ANKRD26: variants seen among roughly 807,000 people sequenced by gnomAD.
ANKRD26 encodes ankyrin repeat domain 26.
Under a neutral mutation model 208.7 loss-of-function variants are expected in ANKRD26, and 141 were observed. The observed-to-expected ratio is 0.68, with a 90% confidence interval of 0.59 to 0.78. ANKRD26 has a LOEUF of 0.78. Ranked by LOEUF, ANKRD26 falls within the 30% of genes least tolerant of loss-of-function variation. The pLI is 0.00. For synonymous variants in ANKRD26, 636 were observed against 660.4 expected (o/e 0.96, Z 0.57); for missense variants, 1,889 against 1,938.7 (o/e 0.97, Z 0.48).
chr10:27,093,264 A>G, intron 3 of ANKRD26, 85 bp downstream of exon 3: 1 of 1,319,460 alleles, frequency 7.6e-7, no homozygotes, highest in Non-Finnish European at 1.1e-6. Context: ...TGCGCTTCCA[A>G]ATACAGAAAA....
At chr10:27,029,882 C>T (rs184179349) in intron 25 of ANKRD26, among the ~76,000 whole-genome samples, 3 of 152,212 alleles carry the variant, frequency 2.0e-5, no homozygotes, top group East Asian at 1.9e-4. Flanking sequence ...CGGGAATGGC[C>T]GGGTGGGAAT....
intron 30 of ANKRD26, among the ~76,000 whole-genome samples, chr10:27,015,878 T>C (rs1387619597): frequency 6.6e-6 from 1 of 152,146 alleles, no homozygotes; most frequent in Admixed American, 6.5e-5. Context: ...TAATCACTCA[T>C]AGACACACAA....
In ANKRD26 at chr10:27,100,216, C is replaced by T. The variant is rs763103344; in HGVS notation, c.111G>A (p.Gln37=). 1.9e-6 allele frequency: 3 copies of T among 1,613,242 alleles called. No homozygotes were observed. The highest frequency in any genetic ancestry group is 1.3e-5 in the African/African-American group (1 of 74,938). ...CTCGGTCTCGGACGTGGTAGCCGGG[C>T]TGCGAGTAGGCGCCCTCCCCCGGCT... The part of the protein sequence containing the change: ...GGEPGEGAYS[Q]PGYHVRDRDL... Residue 37 remains glutamine, a synonymous_variant, in exon 1 of 34, where the codon CAG becomes CAA. Coordinates refer to ENST00000376087, the MANE Select transcript of ANKRD26 (RefSeq NM_014915.3).
chr10:27,035,108 CT>C lies in ANKRD26; in HGVS notation c.3341del (p.Lys1114SerfsTer9), dbSNP rs1389409213. 1 of 1,612,794 alleles carries C rather than the reference CT, an allele frequency of 6.2e-7. No individual in the cohort carries two copies. The highest frequency in any genetic ancestry group is 1.3e-5 in the African/African-American group (1 of 74,796). On this transcript the variant is annotated frameshift_variant, in exon 24 of 34. Coordinates refer to ENST00000376087, the MANE Select transcript of ANKRD26 (RefSeq NM_014915.3). LOFTEE classifies it high-confidence loss of function. ...TCACTTTAACTTGTTCATTTTGATA[CT>C]TTTGTTCCATTTCCTTCATTTGACA... ...TQCQMKEMEQ[K>X]YQNEQVKVNK...
the ANKRD26 span, among the ~76,000 whole-genome samples, chr10:26,956,260 C>T: frequency 1.3e-5 from 2 of 151,934 alleles, no homozygotes; most frequent in African/African-American, 4.8e-5. Context: ...TTACTTTTTT[C>T]TATTTCCTTA....
chr10:27,066,687 T>C (rs2055260875), intron 10 of ANKRD26, 139 bp from the exon 11 acceptor site: 1 of 594,346 alleles, frequency 1.7e-6, no homozygotes, highest in Non-Finnish European at 2.7e-6. Flanking sequence ...AAAAAGAATT[T>C]CACAAGGTTG....
At chr10:27,061,555 A>T (rs954351696) in intron 12 of ANKRD26, among the ~76,000 whole-genome samples, 1 of 118,470 alleles carries the variant, frequency 8.4e-6, no homozygotes, top group African/African-American at 3.3e-5. Flanking sequence ...TCAATGCAAC[A>T]TCTATTTTTT....
chr10:27,017,667 T>C lies in ANKRD26; in HGVS notation c.4341A>G (p.Leu1447=), dbSNP rs1255214919. 4 of 1,613,478 alleles carry C rather than the reference T, an allele frequency of 2.5e-6. No individual in the cohort carries two copies. Among genetic ancestry groups the C allele is most frequent in the African/African-American group, 2.7e-5 (2 of 74,888 alleles). Residue 1447 remains leucine (L), a synonymous_variant, in exon 30 of 34, where the codon CTA becomes CTG. Transcript: ENST00000376087. ...GTTCCAACTTCTTTTTATTCTTCTG[T>C]AGTTTTTCACATTTCTTTTGTACTG... ...MKTVQKKCEK[L]QKNKKKLEQE... is the part of the protein sequence containing the mutation.
intron 5 of ANKRD26, 103 bp from the exon 6 acceptor site, chr10:27,082,936 C>T: frequency 2.1e-6 from 3 of 1,417,720 alleles, no homozygotes; most frequent in Non-Finnish European, 2.9e-6. Context: ...CCCTCTGGGA[C>T]CATATCTGGA....
At chr10:27,016,513 G>A (rs1295611394) in intron 30 of ANKRD26, among the ~76,000 whole-genome samples, 4 of 151,428 alleles carry the variant, frequency 2.6e-5, no homozygotes, top group African/African-American at 4.9e-5. Context: ...TCCTGACCTC[G>A]TGATCCGTCC....
chr10:27,035,624 ACATTT>A lies in ANKRD26; in HGVS notation c.2821_2825del (p.Lys941PhefsTer2). The A allele has an allele frequency of 6.3e-7, 1 of 1,594,244 alleles. No individual in the cohort carries two copies. Among genetic ancestry groups the A allele is most frequent in the Non-Finnish European group, 8.5e-7 (1 of 1,173,824 alleles). ...CTTTTACAATTTTAAGGTCCTCAAAACATTTCTTTTCTTTTTCCTGGTTTTGATTT... is the reference window on the plus strand; with the variant it reads ...CTTTTACAATTTTAAGGTCCTCAAAACTTTTCTTTTTCCTGGTTTTGATTT... On this transcript the variant is annotated frameshift_variant, in exon 24 of 34. Coordinates refer to ENST00000376087, the MANE Select transcript of ANKRD26 (RefSeq NM_014915.3). LOFTEE classifies it high-confidence loss of function.
chr10:27,027,721 T>C lies in ANKRD26; in HGVS notation c.3972+1131A>G, dbSNP rs187244390. 3.8e-3 allele frequency among the ~76,000 whole-genome samples: 581 copies of C among 152,340 alleles called. 3 individuals carry two copies. The highest frequency in any genetic ancestry group is 0.02 in the South Asian group (98 of 4,824). On this transcript the variant is annotated intron_variant, in intron 27 of 33. Transcript: ENST00000376087. ...ATTTTTATCAATAAGGATTTTCATATTATCTAAAATATTCTTACATACAGA... is the reference window on the plus strand; with the variant it reads ...ATTTTTATCAATAAGGATTTTCATACTATCTAAAATATTCTTACATACAGA...
intron 4 of ANKRD26, among the ~76,000 whole-genome samples, chr10:26,998,545 G>GA (rs2052647366): frequency 1.3e-5 from 2 of 152,236 alleles, no homozygotes; most frequent in Non-Finnish European, 2.9e-5. Flanking sequence ...AGGTCTGAAT[G>GA]ACCTGGGTCA....
intron 3 of ANKRD26, among the ~76,000 whole-genome samples, chr10:26,986,065 T>A (rs2052381451): frequency 6.6e-6 from 1 of 152,172 alleles, no homozygotes; most frequent in South Asian, 2.1e-4. Flanking sequence ...AGCATGGTAC[T>A]GGTACCAAAA....
At position 27,006,965 on chromosome 10, in the gene ANKRD26, GA is replaced by G. The variant is rs1311638766; in HGVS notation, c.4954-4del. ...TTTTTTTCCAACTCCTGCTGCATCTGAAAAAAGTCAAATGTTATTTATAATG... is the reference window on the plus strand; with the variant it reads ...TTTTTTTCCAACTCCTGCTGCATCTGAAAAAGTCAAATGTTATTTATAATG... On this transcript the variant is annotated splice_polypyrimidine_tract_variant and splice_region_variant and intron_variant, in intron 32 of 33. Coordinates refer to ENST00000376087, the MANE Select transcript of ANKRD26 (RefSeq NM_014915.3). 2 of 1,604,800 alleles carry G rather than the reference GA, an allele frequency of 1.2e-6. No homozygotes were observed. The highest frequency in any genetic ancestry group is 1.7e-6 in the Non-Finnish European group (2 of 1,173,142).
Position 27,005,108 on chromosome 10 carries a change from T to G in ANKRD26, c.*482A>C, listed in dbSNP as rs760890734. The G allele has an allele frequency of 1.7e-4, 163 of 984,516 alleles. No homozygotes were observed. The highest frequency in any genetic ancestry group is 1.9e-4 in the Non-Finnish European group (158 of 829,068). 61.0% of individuals were successfully genotyped at this position (984,516 alleles called of 1,614,324 possible). A position where few individuals can be genotyped will look rare whatever the true frequency, so the allele number is the denominator to read the frequency against. On this transcript the variant is annotated 3_prime_UTR_variant, in exon 34 of 34. Transcript: ENST00000376087. Reference sequence around the variant, plus strand: ...ACAGAAAAGGTGAATCAGGCAAATCTTGTTTCTCCCTGAGAACAGCTATAT... The same window carrying G: ...ACAGAAAAGGTGAATCAGGCAAATCGTGTTTCTCCCTGAGAACAGCTATAT...
intron 1 of ANKRD26, among the ~76,000 whole-genome samples, chr10:27,098,084 T>C (rs2056524926): frequency 6.6e-6 from 1 of 152,216 alleles, no homozygotes; most frequent in Non-Finnish European, 1.5e-5. Flanking sequence ...ATAAAATCTA[T>C]AAATACAGAT....
chr10:27,050,193 C>T (rs1379792888), intron 16 of ANKRD26, among the ~76,000 whole-genome samples: 1 of 111,318 alleles, frequency 9.0e-6, no homozygotes, highest in Non-Finnish European at 1.6e-5. Context: ...GCACTGCAGC[C>T]TGGGCAATAG....
the ANKRD26 span, among the ~76,000 whole-genome samples, chr10:26,968,466 C>A: frequency 3.3e-5 from 5 of 152,202 alleles, no homozygotes; most frequent in Non-Finnish European, 5.9e-5. Flanking sequence ...ATATAAAAAT[C>A]ATCTCCCTCC....
Sources: gnomAD v4.1 joint callset for allele counts (sites outside exome capture counted in the v4.1 genomes callset) on GRCh38, gnomAD v4.1.1 for gene constraint, MANE v1.5 for transcripts, NCBI Gene and HGNC (gene_info 2026-07-23, HGNC 2026-07-21) for gene names.